RNF157: variants seen among roughly 807,000 people sequenced by gnomAD.
RNF157 encodes the protein E3 ubiquitin ligase RNF157.
Under a neutral mutation model 88.3 loss-of-function variants are expected in RNF157, and 55 were observed. The observed-to-expected ratio is 0.62, with a 90% CI of 0.50 to 0.78. RNF157 has a LOEUF of 0.78. RNF157 is among the 30% of genes least tolerant of loss of function. The pLI, the probability that RNF157 is intolerant of heterozygous loss-of-function variation, is 0.00. For missense variants in RNF157, 788 were observed against 860.8 expected (o/e 0.92, Z 1.06); for synonymous variants, 334 against 341.2 (o/e 0.98, Z 0.23).
intron 3 of RNF157, 56 bp from the exon 4 acceptor site, chr17:76,167,853 A>T (rs2068953471): frequency 6.5e-7 from 1 of 1,542,328 alleles, no homozygotes; most frequent in African/African-American, 1.4e-5. Context: ...TTTAAAATTT[A>T]CCTTTAAAAA....
intron 2 of RNF157, among the ~76,000 whole-genome samples, chr17:76,179,485 A>T (rs752770592): frequency 6.6e-6 from 1 of 152,084 alleles, no homozygotes; most frequent in Non-Finnish European, 1.5e-5. Context: ...TGAGGTCAGG[A>T]GCTTTGAGAC....
intron 1 of RNF157, among the ~76,000 whole-genome samples, chr17:76,237,361 G>A (rs184901134): frequency 8.5e-5 from 13 of 152,290 alleles, no homozygotes; most frequent in East Asian, 5.8e-4. Flanking sequence ...GCTTTCCAGC[G>A]AGCCAGATAG....
chr17:76,167,764 C>T lies in RNF157; in HGVS notation c.330G>A (p.Glu110=), dbSNP rs756700659. The change falls in exon 4 of 19, where the codon GAG becomes GAA. Residue 110 remains glutamate, a synonymous_variant. Transcript: ENST00000269391. ...TGTAGTGGACTTTAGCTTTACTGGCCTCTTCTCCAGGGCTCTTCACTTCCT... is the reference window on the plus strand; with the variant it reads ...TGTAGTGGACTTTAGCTTTACTGGCTTCTTCTCCAGGGCTCTTCACTTCCT... ...CAEEVKSPGE[E]ASKAKVHYNV... The T allele has an allele frequency of 1.2e-6, 2 of 1,614,168 alleles. No homozygotes were observed. Among genetic ancestry groups the T allele is most frequent in the South Asian group, 2.2e-5 (2 of 91,084 alleles).
intron 17 of RNF157, chr17:76,153,456 GCTGGTGCGT>G (rs1405695249): frequency 6.6e-6 from 1 of 152,300 alleles, no homozygotes. Flanking sequence ...GATGACATCT[GCTGGTGCGT>G]CTGTATCCAG....
At chr17:76,147,444 G>A in intron 18 of RNF157, 1 of 557,710 alleles carries the variant, frequency 1.8e-6, no homozygotes, top group South Asian at 7.4e-5. Flanking sequence ...CTGGGCCGGA[G>A]AGGCTGCCCA....
At chr17:76,194,285 G>A (rs187110450) in intron 2 of RNF157, among the ~76,000 whole-genome samples, 1 of 152,096 alleles carries the variant, frequency 6.6e-6, no homozygotes, top group Non-Finnish European at 1.5e-5. Context: ...CTATCGTTTT[G>A]CTCTTTCCAG....
At chr17:76,217,862 T>C (rs1387739661) in intron 1 of RNF157, among the ~76,000 whole-genome samples, 1 of 152,178 alleles carries the variant, frequency 6.6e-6, no homozygotes, top group Non-Finnish European at 1.5e-5. Context: ...TTGCAGGCTT[T>C]AAAAAGTCAC....
At chr17:76,166,881 G>A in intron 5 of RNF157, 128 bp downstream of exon 5, 1 of 672,362 alleles carries the variant, frequency 1.5e-6, no homozygotes, top group African/African-American at 1.8e-5. Flanking sequence ...ACATGATGAA[G>A]TCACAAGGCT....
At chr17:76,191,176 C>T (rs1467204239) in intron 2 of RNF157, among the ~76,000 whole-genome samples, 1 of 152,188 alleles carries the variant, frequency 6.6e-6, no homozygotes, top group East Asian at 1.9e-4. Flanking sequence ...TTCAGTGCTG[C>T]CTTCTATAGA....
At chr17:76,231,707 CTT>C (rs1226169349) in intron 1 of RNF157, among the ~76,000 whole-genome samples, 3 of 152,188 alleles carry the variant, frequency 2.0e-5, no homozygotes, top group South Asian at 2.1e-4. Flanking sequence ...TCATCAAGCT[CTT>C]GTCTTTATTT....
At chr17:76,192,785 A>G (rs2069407920) in intron 2 of RNF157, among the ~76,000 whole-genome samples, 2 of 151,720 alleles carry the variant, frequency 1.3e-5, no homozygotes, top group Admixed American at 1.3e-4. Context: ...TAAAACAAGT[A>G]TGATATCAAC....
chr17:76,173,532 G>C (rs911658962), intron 3 of RNF157, among the ~76,000 whole-genome samples, 170 bp downstream of exon 3: 3 of 152,082 alleles, frequency 2.0e-5, no homozygotes, highest in African/African-American at 7.2e-5. Context: ...GGGTGTGGAC[G>C]GCCTGATCTC....
rs187632479 is a variant in RNF157, at chr17:76,186,900, A to G, written c.208-13110T>C. Among the ~76,000 whole-genome samples the G allele has an allele frequency of 4.1e-4, 63 of 152,030 alleles. No individual in the cohort carries two copies. The East Asian group carries it at 5.8e-3, about 14-fold the overall frequency. On this transcript the variant is annotated intron_variant, in intron 2 of 18. Transcript: ENST00000269391. Reference sequence around the variant, plus strand: ...GGTTGCAGTGAGCTGAGATCGCACCACTGTACTCCAGCCTGGGTGACAGAA... The same window carrying G: ...GGTTGCAGTGAGCTGAGATCGCACCGCTGTACTCCAGCCTGGGTGACAGAA...
chr17:76,162,306 G>A (rs1568030449), intron 9 of RNF157, among the ~76,000 whole-genome samples: 1 of 152,210 alleles, frequency 6.6e-6, no homozygotes, highest in Non-Finnish European at 1.5e-5. Context: ...AGGAAAAGGA[G>A]CAAAGAAAGG....
chr17:76,165,387 C>T, intron 7 of RNF157, 115 bp downstream of exon 7: 4 of 1,001,772 alleles, frequency 4.0e-6, no homozygotes, highest in South Asian at 1.3e-5. Flanking sequence ...ACCATTATAG[C>T]CTCTAAAGCC....
chr17:76,232,413 A>C (rs1249909564), intron 1 of RNF157, among the ~76,000 whole-genome samples: 1 of 152,012 alleles, frequency 6.6e-6, no homozygotes, highest in Non-Finnish European at 1.5e-5. Context: ...AAAGAAACAA[A>C]CAAAAAATTA....
intron 2 of RNF157, among the ~76,000 whole-genome samples, chr17:76,208,973 C>CAACAATAAA (rs2069729421): frequency 8.3e-6 from 1 of 120,020 alleles, no homozygotes; most frequent in African/African-American, 2.9e-5. Context: ...GACTCTGCCT[C>CAACAATAAA]AAAAAAAAAA....
At chr17:76,222,361 A>C (rs534008528) in intron 1 of RNF157, among the ~76,000 whole-genome samples, 1 of 152,174 alleles carries the variant, frequency 6.6e-6, no homozygotes, top group East Asian at 1.9e-4. Flanking sequence ...AAAAAAAAAA[A>C]AAGTTCTAGA....
At chr17:76,208,896 C>T (rs117926104) in intron 2 of RNF157, among the ~76,000 whole-genome samples, 2,969 of 151,952 alleles carry the variant, frequency 0.02, 60 homozygotes, top group South Asian at 0.069. Flanking sequence ...ATCACTTGAG[C>T]CTAGGAGACT....
Sources: gnomAD v4.1 joint callset for allele counts (sites outside exome capture counted in the v4.1 genomes callset) on GRCh38, gnomAD v4.1.1 for gene constraint, MANE v1.5 for transcripts, NCBI Gene and HGNC (gene_info 2026-07-23, HGNC 2026-07-21) for gene names.